The following TANC2 variants were observed in gnomAD, a reference collection of about 807,000 sequenced individuals.
The protein encoded by TANC2 is protein TANC2.
In TANC2, 26 loss-of-function variants were observed where a neutral mutation model predicts 210.5. That is an observed-to-expected ratio of 0.12 (90% CI 0.09 to 0.17). The LOEUF is 0.17. Ranked by LOEUF, TANC2 falls within the 10% of genes least tolerant of loss-of-function variation. TANC2 has a pLI of 1.00. For synonymous variants in TANC2, 931 were observed against 967.1 expected (o/e 0.96, Z 0.69); for missense variants, 2,129 against 2,608.9 (o/e 0.82, Z 4.01).
chr17:63,216,057 A>G (rs1364955938), intron 7 of TANC2, among the ~76,000 whole-genome samples: 2 of 149,448 alleles, frequency 1.3e-5, no homozygotes, highest in African/African-American at 2.5e-5. Flanking sequence ...GGCCTATTTT[A>G]TTTTATTTTG....
At chr17:63,261,056 G>A (rs540721708) in intron 8 of TANC2, among the ~76,000 whole-genome samples, 3 of 152,158 alleles carry the variant, frequency 2.0e-5, no homozygotes, top group African/African-American at 7.2e-5. Context: ...ATGTGGCAAG[G>A]CCCTATCTCT....
rs924559758 is a variant in TANC2 at position 62,966,535 on chromosome 17, C to T, written c.-238C>T. Among the ~76,000 whole-genome samples, 145 of 150,316 alleles carry T rather than the reference C, an allele frequency of 9.6e-4. 1 individual carries two copies. The highest frequency in any genetic ancestry group is 3.5e-3 in the African/African-American group (144 of 41,344). On this transcript the variant is annotated 5_prime_UTR_variant, in exon 1 of 28. Coordinates refer to ENST00000689528, the Ensembl canonical transcript of TANC2. The surrounding 1 kb of genome is among the most constrained non-coding windows in gnomAD (Gnocchi z 5.1). ...GAGCCGAGGGGCGAGAGCTGGCCCC[C>T]GAGCCGCCGCTGACAGGAGCACCGC...
At chr17:62,995,897 A>G (rs1269202764) in intron 1 of TANC2, among the ~76,000 whole-genome samples, 5 of 152,330 alleles carry the variant, frequency 3.3e-5, no homozygotes. Context: ...GTTCAAGACC[A>G]CAATGAACAG....
intron 2 of TANC2, among the ~76,000 whole-genome samples, chr17:63,035,908 A>G (rs2034954105): frequency 6.6e-6 from 1 of 152,140 alleles, no homozygotes; most frequent in Non-Finnish European, 1.5e-5. Flanking sequence ...TTCTGTGTGT[A>G]GTGGTATTTC....
At chr17:63,200,691 TCAAAG>T in intron 6 of TANC2, 75 bp from the exon 7 acceptor site, 1 of 1,295,118 alleles carries the variant, frequency 7.7e-7, no homozygotes, top group South Asian at 1.5e-5. Flanking sequence ...TTTTTTTTCA[TCAAAG>T]CATTTATTTT....
chr17:63,160,659 A>G lies in TANC2; in HGVS notation c.433+9279A>G, dbSNP rs139357013. 7.9e-5 allele frequency among the ~76,000 whole-genome samples: 12 copies of G among 152,270 alleles called. No individual in the cohort carries two copies. In the East Asian group the frequency reaches 2.1e-3, roughly 27 times the overall value. On this transcript the variant is annotated intron_variant, in intron 5 of 27. Coordinates refer to ENST00000689528, the Ensembl canonical transcript of TANC2. ...TTCATATCTACCGTTATTTCCTTAG[A>G]ATGAATTCCTTGAAATGGAATTGAT...
intron 5 of TANC2, among the ~76,000 whole-genome samples, chr17:63,189,004 G>A (rs890260062): frequency 6.6e-6 from 1 of 151,888 alleles, no homozygotes; most frequent in Admixed American, 6.6e-5. Flanking sequence ...GCCTATTCCA[G>A]ACATTTCATA....
chr17:63,005,160 T>TA (rs901121155), intron 1 of TANC2: 12 of 152,146 alleles, frequency 7.9e-5, no homozygotes, highest in African/African-American at 1.9e-4. Context: ...TCATTTTTTT[T>TA]AAAAAATGCA....
intron 7 of TANC2, among the ~76,000 whole-genome samples, chr17:63,207,531 C>T (rs368629716): frequency 6.6e-6 from 1 of 152,092 alleles, no homozygotes; most frequent in East Asian, 1.9e-4. Context: ...TTCTTTTGTG[C>T]TTACTGTTAT....
exon 14 of TANC2, chr17:63,354,904 A>T: frequency 6.2e-7 from 1 of 1,613,892 alleles, no homozygotes; most frequent in Admixed American, 1.7e-5. Flanking sequence ...TCAGAGATCC[A>T]GAATAACATT....
At chr17:63,267,923 G>T in intron 9 of TANC2, 50 bp downstream of exon 9, 1 of 1,551,322 alleles carries the variant, frequency 6.4e-7, no homozygotes, top group South Asian at 1.2e-5. Flanking sequence ...GATGGAAATG[G>T]GCAAAAGCCA....
chr17:63,178,167 T>TA (rs915634564), intron 5 of TANC2, among the ~76,000 whole-genome samples: 2 of 151,914 alleles, frequency 1.3e-5, no homozygotes, highest in African/African-American at 2.4e-5. Context: ...CCATCTCTAC[T>TA]AAAAAAATAC....
At chr17:63,102,925 A>G (rs147473068) in intron 4 of TANC2, among the ~76,000 whole-genome samples, 217 of 152,338 alleles carry the variant, frequency 1.4e-3, no homozygotes, top group African/African-American at 5.0e-3. Context: ...CAGTCTAACA[A>G]CTATTTGCAT....
At chr17:63,212,343 C>T in intron 7 of TANC2, among the ~76,000 whole-genome samples, 1 of 151,976 alleles carries the variant, frequency 6.6e-6, no homozygotes, top group East Asian at 1.9e-4. Context: ...GAGCTTCTTC[C>T]TGTGTTCTTT....
At chr17:63,089,615 T>C (rs1220710723) in intron 3 of TANC2, among the ~76,000 whole-genome samples, 1 of 152,180 alleles carries the variant, frequency 6.6e-6, no homozygotes, top group Non-Finnish European at 1.5e-5. Flanking sequence ...TTTCTCTGCT[T>C]AATTTTTTTT....
intron 17 of TANC2, among the ~76,000 whole-genome samples, chr17:63,394,976 C>T (rs962014318): frequency 1.3e-5 from 2 of 152,162 alleles, no homozygotes; most frequent in Non-Finnish European, 2.9e-5. Flanking sequence ...GTAGGAAAGC[C>T]AGAAACAGAA....
intron 17 of TANC2, chr17:63,390,996 G>A (rs947956238): frequency 3.3e-5 from 5 of 152,014 alleles, no homozygotes; most frequent in Admixed American, 1.3e-4. Flanking sequence ...CAGTTCTTAC[G>A]TACGCTCACC....
At chr17:63,405,555 G>A (rs78836402) in intron 20 of TANC2, among the ~76,000 whole-genome samples, 204 of 152,244 alleles carry the variant, frequency 1.3e-3, no homozygotes, top group Middle Eastern at 3.4e-3. Flanking sequence ...ATTTCTCAGC[G>A]GACTTCTGCT....
chr17:63,034,338 T>C (rs1163817052), intron 2 of TANC2, among the ~76,000 whole-genome samples: 2 of 152,192 alleles, frequency 1.3e-5, no homozygotes, highest in Non-Finnish European at 2.9e-5. Context: ...TGACAGCATG[T>C]CTGTTTATAG....
Sources: gnomAD v4.1 joint callset for allele counts (sites outside exome capture counted in the v4.1 genomes callset) on GRCh38, gnomAD v4.1.1 for gene constraint, Gnocchi (gnomAD v3.1) non-coding constraint, MANE v1.5 for transcripts, NCBI Gene and HGNC (gene_info 2026-07-23, HGNC 2026-07-21) for gene names.